Variants in SHISA9 observed in about 807,000 individuals in gnomAD.
The protein encoded by SHISA9 is shisa family member 9.
SHISA9 carries 13 observed loss-of-function variants against 38.0 expected under a neutral mutation model. The observed-to-expected ratio is 0.34, with a 90% confidence interval of 0.22 to 0.54. The LOEUF is 0.54. Ranked by LOEUF, SHISA9 falls within the 20% of genes least tolerant of loss-of-function variation. The probability of loss-of-function intolerance (pLI) is 0.91; values close to 1 mark genes in which losing one functional copy is unlikely to be tolerated. For missense variants in SHISA9, 538 were observed against 575.8 expected (o/e 0.93, Z 0.67); for synonymous variants, 275 against 242.0 (o/e 1.14, Z -1.27).
the SHISA9 span, among the ~76,000 whole-genome samples, chr16:13,290,802 T>A: frequency 6.6e-6 from 1 of 152,164 alleles, no homozygotes; most frequent in Admixed American, 6.5e-5. Context: ...CTTGGGACTT[T>A]GCTTCTCCAA....
chr16:13,117,078 T>G (rs2074037495), intron 2 of SHISA9, among the ~76,000 whole-genome samples: 2 of 152,170 alleles, frequency 1.3e-5, no homozygotes. Context: ...GTTCAAGCAA[T>G]TCTCCTACCT....
the SHISA9 span, among the ~76,000 whole-genome samples, chr16:13,307,258 C>G: frequency 6.6e-6 from 1 of 152,214 alleles, no homozygotes; most frequent in Non-Finnish European, 1.5e-5. Context: ...CTGCCTGGCA[C>G]ATGGCAATCA....
At chr16:13,116,989 GAGAC>G (rs1299161806) in intron 2 of SHISA9, among the ~76,000 whole-genome samples, 13 of 152,202 alleles carry the variant, frequency 8.5e-5, no homozygotes, top group Middle Eastern at 6.8e-3. Flanking sequence ...TTTATTTTTT[GAGAC>G]AGAGTCTCAC....
intron 2 of SHISA9, among the ~76,000 whole-genome samples, chr16:12,970,406 T>TATATGTATATATATATAC (rs2072052165): frequency 1.2e-4 from 1 of 8,332 alleles, no homozygotes; most frequent in Non-Finnish European, 2.8e-4. Flanking sequence ...TATATATACA[T>TATATGTATATATATATAC]ATATATATAT....
chr16:13,390,974 A>G, the SHISA9 span, among the ~76,000 whole-genome samples: 3 of 152,332 alleles, frequency 2.0e-5, no homozygotes, highest in African/African-American at 2.4e-5. Context: ...CAACCATGGC[A>G]ATCTGTGAAA....
intron 2 of SHISA9, among the ~76,000 whole-genome samples, chr16:13,157,345 T>C (rs573315263): frequency 2.6e-5 from 4 of 152,224 alleles, no homozygotes; most frequent in African/African-American, 7.2e-5. Flanking sequence ...CTCTGTTGCA[T>C]ACATGATAAT....
intron 2 of SHISA9, among the ~76,000 whole-genome samples, chr16:13,014,810 G>A (rs1050194029): frequency 6.6e-6 from 1 of 152,188 alleles, no homozygotes. Flanking sequence ...TTGTTCTTTT[G>A]TTTGAAATAT....
At chr16:12,973,030 C>T (rs1374270779) in intron 2 of SHISA9, among the ~76,000 whole-genome samples, 11 of 152,118 alleles carry the variant, frequency 7.2e-5, no homozygotes, top group East Asian at 3.9e-4. Context: ...GCAGGAGAAT[C>T]GCTTGAACCT....
intron 2 of SHISA9, among the ~76,000 whole-genome samples, chr16:13,099,398 G>A (rs1223813051): frequency 1.3e-5 from 2 of 152,150 alleles, no homozygotes; most frequent in African/African-American, 4.8e-5. Flanking sequence ...CAAGCACAAG[G>A]GAGAATAATA....
chr16:13,174,851 A>T (rs536273240), intron 2 of SHISA9, among the ~76,000 whole-genome samples: 2 of 152,340 alleles, frequency 1.3e-5, no homozygotes, highest in African/African-American at 4.8e-5. Context: ...AGATAGAAAA[A>T]GAAAGACTCC....
At chr16:13,196,407 A>AAAAAG (rs59400779) in intron 2 of SHISA9, among the ~76,000 whole-genome samples, 6,200 of 150,172 alleles carry the variant, frequency 0.041, 523 homozygotes, top group African/African-American at 0.15. Flanking sequence ...AAAAAAAAAA[A>AAAAAG]AAAGAAAGAA....
At chr16:13,044,347 A>G (rs1024570075) in intron 2 of SHISA9, among the ~76,000 whole-genome samples, 3 of 152,236 alleles carry the variant, frequency 2.0e-5, no homozygotes, top group Middle Eastern at 3.2e-3. Flanking sequence ...TTTGGGTTCC[A>G]GCCCCGCCAC....
the SHISA9 span, among the ~76,000 whole-genome samples, chr16:13,490,616 T>C: frequency 6.6e-6 from 1 of 152,166 alleles, no homozygotes; most frequent in African/African-American, 2.4e-5. Context: ...TTGGGTAAAC[T>C]GAGTCTGAGT....
the SHISA9 span, among the ~76,000 whole-genome samples, chr16:13,305,113 G>A: frequency 6.6e-6 from 1 of 152,130 alleles, no homozygotes; most frequent in African/African-American, 2.4e-5. Flanking sequence ...TGGGGATGGG[G>A]CCTACGTCTG....
chr16:13,423,092 CT>C, the SHISA9 span, among the ~76,000 whole-genome samples: 1 of 152,198 alleles, frequency 6.6e-6, no homozygotes, highest in Non-Finnish European at 1.5e-5. Context: ...GAGGAAGGAG[CT>C]TGATCAGCTT....
At chr16:13,280,798 G>A in the SHISA9 span, among the ~76,000 whole-genome samples, 1 of 151,470 alleles carries the variant, frequency 6.6e-6, no homozygotes, top group Non-Finnish European at 1.5e-5. Context: ...TAACTATAAA[G>A]CTCTTAGAAG....
chr16:13,334,853 GA>G, the SHISA9 span, among the ~76,000 whole-genome samples: 1 of 151,870 alleles, frequency 6.6e-6, no homozygotes, highest in Non-Finnish European at 1.5e-5. Flanking sequence ...ATAGGGTCAT[GA>G]TTGTAAAATG....
chr16:13,179,560 C>G (rs1488986523), intron 2 of SHISA9, among the ~76,000 whole-genome samples: 4 of 152,188 alleles, frequency 2.6e-5, no homozygotes, highest in African/African-American at 9.7e-5. Context: ...AATCAAAGCT[C>G]TCTTCCTTGC....
intron 2 of SHISA9, among the ~76,000 whole-genome samples, chr16:12,942,892 G>A (rs2071629727): frequency 6.6e-6 from 1 of 152,130 alleles, no homozygotes; most frequent in Non-Finnish European, 1.5e-5. Flanking sequence ...TTAGGCACAC[G>A]TAGGTCTCAA....
Sources: gnomAD v4.1 joint callset for allele counts (sites outside exome capture counted in the v4.1 genomes callset) on GRCh38, gnomAD v4.1.1 for gene constraint, MANE v1.5 for transcripts, NCBI Gene and HGNC (gene_info 2026-07-23, HGNC 2026-07-21) for gene names.